Variants in CHST9 observed in about 807,000 individuals in gnomAD.
The protein encoded by CHST9 is carbohydrate sulfotransferase 9.
CHST9 carries 41 observed loss-of-function variants against 44.4 expected under a neutral mutation model. The ratio of observed to expected loss-of-function variants is 0.92; its 90% CI spans 0.72 to 1.20. The LOEUF (loss-of-function observed/expected upper bound fraction) is 1.20, where lower values mean the gene tolerates loss of function less well. Among genes scored for constraint, CHST9 ranks in the 50% most tolerant of loss-of-function variants. The probability of loss-of-function intolerance (pLI) is 0.00; values close to 1 mark genes in which losing one functional copy is unlikely to be tolerated. For missense variants in CHST9, 504 were observed against 516.5 expected, an observed-to-expected ratio of 0.98 and a Z score of 0.23; for synonymous variants, 171 against 178.4, an observed-to-expected ratio of 0.96 and a Z score of 0.33.
rs528055809 is a variant in CHST9, at chr18:27,132,843, G to A, written c.121+9846C>T. On this transcript the variant is annotated intron_variant, in intron 2 of 5. Coordinates refer to ENST00000618847, the MANE Select transcript of CHST9 (RefSeq NM_031422.6). ...TCAAGGGACCCCAACATTTGCTGGG[G>A]CTCCCTTTATATAACTCTGCTCCTT... 6.6e-5 allele frequency among the ~76,000 whole-genome samples: 10 copies of A among 152,248 alleles called. No individual in the cohort carries two copies. In the East Asian group the frequency reaches 1.4e-3, roughly 21 times the overall value.
chr18:26,998,899 C>T (rs2056917900), intron 4 of CHST9, among the ~76,000 whole-genome samples: 1 of 152,190 alleles, frequency 6.6e-6, no homozygotes, highest in Non-Finnish European at 1.5e-5. Context: ...TTTGAGGCCA[C>T]GCTCTTTCCC....
At chr18:27,024,225 C>T in intron 3 of CHST9, 68 bp from the exon 4 acceptor site, 1 of 1,285,848 alleles carries the variant, frequency 7.8e-7, no homozygotes, top group Non-Finnish European at 1.1e-6. Flanking sequence ...AAACTTTCTA[C>T]ACAAAGATGC....
intron 4 of CHST9, among the ~76,000 whole-genome samples, chr18:27,012,087 C>A (rs376616125): frequency 2.0e-4 from 30 of 152,284 alleles, no homozygotes; most frequent in African/African-American, 7.2e-4. Flanking sequence ...GACTCTGATG[C>A]CACTAGTATG....
chr18:27,079,984 C>T (rs1409052448), intron 2 of CHST9, among the ~76,000 whole-genome samples: 1 of 152,114 alleles, frequency 6.6e-6, no homozygotes, highest in Non-Finnish European at 1.5e-5. Context: ...CTGCAAAGCC[C>T]TTTTTCCCAT....
chr18:27,157,533 C>T (rs2058707130), intron 1 of CHST9, among the ~76,000 whole-genome samples: 1 of 152,102 alleles, frequency 6.6e-6, no homozygotes, highest in Non-Finnish European at 1.5e-5. Flanking sequence ...TGGACTAAAA[C>T]AGCAGAGGTC....
intron 2 of CHST9, among the ~76,000 whole-genome samples, chr18:27,105,170 T>C (rs1011846733): frequency 3.9e-5 from 6 of 152,050 alleles, no homozygotes; most frequent in African/African-American, 1.4e-4. Context: ...AATTTATTAC[T>C]ATAAAAAAAG....
chr18:27,159,743 A>G (rs1378556162), intron 1 of CHST9, among the ~76,000 whole-genome samples: 2 of 152,190 alleles, frequency 1.3e-5, no homozygotes, highest in Non-Finnish European at 2.9e-5. Context: ...ACCCATGAGC[A>G]TGGAATGTTC....
At chr18:27,175,717 T>C (rs2058863103) in intron 1 of CHST9, among the ~76,000 whole-genome samples, 1 of 152,068 alleles carries the variant, frequency 6.6e-6, no homozygotes, top group Non-Finnish European at 1.5e-5. Context: ...TTAGAGATGT[T>C]CACTCAACAT....
intron 4 of CHST9, among the ~76,000 whole-genome samples, chr18:26,948,588 C>T (rs1385000067): frequency 6.6e-6 from 1 of 152,138 alleles, no homozygotes; most frequent in Non-Finnish European, 1.5e-5. Context: ...TATTCACACC[C>T]TAATAATGCA....
In CHST9 at chr18:27,142,890, A is replaced by C; in HGVS notation, c.-81T>G. The C allele has an allele frequency of 7.5e-7, 1 of 1,333,222 alleles. No individual in the cohort carries two copies. Among genetic ancestry groups the C allele is most frequent in the Admixed American group, 2.4e-5 (1 of 41,578 alleles). 82.6% of individuals were successfully genotyped at this position (1,333,222 alleles called of 1,614,324 possible). A position where few individuals can be genotyped will look rare whatever the true frequency, so the allele number is the denominator to read the frequency against. On this transcript the variant is annotated 5_prime_UTR_variant, in exon 2 of 6. The change creates a new upstream start codon in the 5' untranslated region. Coordinates refer to ENST00000618847, the MANE Select transcript of CHST9 (RefSeq NM_031422.6). ...GTCTTTTCTTGTTCTCTAAGAGCCCAATTCCATAAAGTAACCTAGAATTTT... is the reference window on the plus strand; with the variant it reads ...GTCTTTTCTTGTTCTCTAAGAGCCCCATTCCATAAAGTAACCTAGAATTTT...
chr18:26,922,666 T>G (rs963888987), intron 5 of CHST9, among the ~76,000 whole-genome samples: 1 of 152,048 alleles, frequency 6.6e-6, no homozygotes, highest in African/African-American at 2.4e-5. Flanking sequence ...GATGGAATCT[T>G]GTTCTGTTGC....
intron 2 of CHST9, among the ~76,000 whole-genome samples, chr18:27,126,076 G>C (rs531963248): frequency 2.0e-5 from 3 of 152,180 alleles, no homozygotes; most frequent in Non-Finnish European, 4.4e-5. Flanking sequence ...AAGAAGTTTT[G>C]CAGAAGCATG....
At chr18:26,999,639 G>T (rs1402460647) in intron 4 of CHST9, among the ~76,000 whole-genome samples, 1 of 151,960 alleles carries the variant, frequency 6.6e-6, no homozygotes, top group African/African-American at 2.4e-5. Context: ...ATTGGTGAAA[G>T]AAAAAGAATT....
At chr18:27,034,530 A>G (rs1346394781) in intron 3 of CHST9, among the ~76,000 whole-genome samples, 1 of 152,156 alleles carries the variant, frequency 6.6e-6, no homozygotes, top group Non-Finnish European at 1.5e-5. Context: ...TTATAATAAA[A>G]TCCAAACTGC....
intron 4 of CHST9, among the ~76,000 whole-genome samples, chr18:26,969,370 C>CTGTGTGTGTGTGTG (rs577001525): frequency 3.0e-4 from 36 of 122,010 alleles, no homozygotes; most frequent in African/African-American, 9.0e-4. Context: ...TTCTCTCTCT[C>CTGTGTGTGTGTGTG]TCTCTCTGTG....
chr18:27,072,077 T>A (rs1014756153), intron 2 of CHST9, among the ~76,000 whole-genome samples: 1 of 152,146 alleles, frequency 6.6e-6, no homozygotes, highest in East Asian at 1.9e-4. Flanking sequence ...CGGTGTGAAG[T>A]TTGTTCTTTG....
intron 5 of CHST9, among the ~76,000 whole-genome samples, chr18:26,925,090 T>C (rs1286960978): frequency 6.6e-6 from 1 of 151,832 alleles, no homozygotes; most frequent in African/African-American, 2.4e-5. Context: ...GTTATACTTA[T>C]GGGAGGTAAT....
chr18:27,098,162 T>C (rs981719505), intron 2 of CHST9, among the ~76,000 whole-genome samples: 1 of 151,882 alleles, frequency 6.6e-6, no homozygotes, highest in East Asian at 1.9e-4. Flanking sequence ...GAACAGACAC[T>C]TCTCAAAAGA....
At chr18:27,019,540 G>A (rs148663818) in intron 4 of CHST9, among the ~76,000 whole-genome samples, 35 of 152,050 alleles carry the variant, frequency 2.3e-4, no homozygotes, top group East Asian at 7.7e-4. Flanking sequence ...GCCTAGAGAC[G>A]TAAAGGAGTC....
Sources: gnomAD v4.1 joint callset for allele counts (sites outside exome capture counted in the v4.1 genomes callset) on GRCh38, gnomAD v4.1.1 for gene constraint, MANE v1.5 for transcripts, NCBI Gene and HGNC (gene_info 2026-07-23, HGNC 2026-07-21) for gene names.